Variants in MAP3K15 observed in about 807,000 individuals in gnomAD.
The protein encoded by MAP3K15 is MAPK/ERK kinase kinase 15.
MAP3K15 carries 124 observed loss-of-function variants against 99.5 expected under a neutral mutation model. That is an observed-to-expected ratio of 1.25 (90% confidence interval 1.08 to 1.45). MAP3K15 has a LOEUF of 1.45. Ranked by LOEUF, MAP3K15 falls within the 40% of genes most tolerant of loss-of-function variation. The pLI, the probability that MAP3K15 is intolerant of heterozygous loss-of-function variation, is 0.00. For missense variants in MAP3K15, 1,242 were observed against 1,079.7 expected (o/e 1.15, Z -2.11); for synonymous variants, 494 against 439.6 (o/e 1.12, Z -1.55).
intron 9 of MAP3K15, among the ~76,000 whole-genome samples, chrX:19,425,128 C>T (rs779804998): frequency 9.0e-6 from 1 of 111,547 alleles, no homozygotes; most frequent in East Asian, 2.8e-4. Flanking sequence ...GCTGTGCCAC[C>T]GTTTTATTTA....
intron 6 of MAP3K15, among the ~76,000 whole-genome samples, chrX:19,440,489 T>C (rs1300309276): frequency 8.9e-6 from 1 of 112,171 alleles, no homozygotes; most frequent in Non-Finnish European, 1.9e-5. Flanking sequence ...ATCCGAATAG[T>C]TGTTTTTCTA....
Position 19,425,553 on chromosome X carries a change from A to G in MAP3K15, c.1417T>C (p.Phe473Leu), listed in dbSNP as rs1160014340. The change falls in exon 9 of 29, where the codon TTC becomes CTC. Residue 473 changes from phenylalanine (F) to leucine (L), a missense_variant. By Grantham distance (22) the Phe-to-Leu change is conservative (BLOSUM62 0). Coordinates refer to ENST00000338883, the MANE Select transcript of MAP3K15 (RefSeq NM_001001671.4). The part of the protein sequence containing the change: ...GKAVQAAERL[F>L]KLKPPVWYLR... Reference sequence around the variant, plus strand: ...CACCAGACTGGAGGTTTCAGTTTGAACAACCTCTCTGCTGCCTGGACGGCT... The same window carrying G: ...CACCAGACTGGAGGTTTCAGTTTGAGCAACCTCTCTGCTGCCTGGACGGCT... 1.7e-6 allele frequency: 2 copies of G among 1,196,607 alleles called. No homozygotes were observed. Among genetic ancestry groups the G allele is most frequent in the African/African-American group, 1.7e-5 (1 of 57,229 alleles).
chrX:19,430,419 A>G (rs1229438378), intron 7 of MAP3K15, among the ~76,000 whole-genome samples: 2 of 111,833 alleles, frequency 1.8e-5, no homozygotes, highest in Non-Finnish European at 3.8e-5. Flanking sequence ...AGCTGACTTC[A>G]GTTTTAGAAG....
chrX:19,503,224 T>C (rs971800673), intron 1 of MAP3K15, among the ~76,000 whole-genome samples: 4 of 111,992 alleles, frequency 3.6e-5, no homozygotes, highest in Admixed American at 9.5e-5. Flanking sequence ...AATGTCTAAA[T>C]TAACTATCGC....
intron 11 of MAP3K15, among the ~76,000 whole-genome samples, chrX:19,412,549 G>A (rs1475448536): frequency 9.0e-6 from 1 of 110,822 alleles, no homozygotes; most frequent in Non-Finnish European, 1.9e-5. Flanking sequence ...GACAGCTCAG[G>A]GGCGAGTAAG....
chrX:19,484,283 C>T (rs2064309567), intron 3 of MAP3K15, among the ~76,000 whole-genome samples: 1 of 111,172 alleles, frequency 9.0e-6, no homozygotes, highest in African/African-American at 3.3e-5. Flanking sequence ...CTATTGTGAA[C>T]TGCACATGTG....
intron 16 of MAP3K15, 73 bp from the exon 17 acceptor site, chrX:19,392,546 G>T: frequency 9.2e-7 from 1 of 1,088,419 alleles, no homozygotes; most frequent in Non-Finnish European, 1.2e-6. Context: ...ATAAAGTGAG[G>T]TGAGGTTTCT....
At chrX:19,381,815 G>T (rs1427230943) in intron 18 of MAP3K15, among the ~76,000 whole-genome samples, 1 of 112,167 alleles carries the variant, frequency 8.9e-6, no homozygotes, top group Non-Finnish European at 1.9e-5. Flanking sequence ...AGTGACAGCA[G>T]CTCCTGGGGG....
chrX:19,413,006 T>C (rs1254628771), intron 11 of MAP3K15, among the ~76,000 whole-genome samples: 3 of 110,067 alleles, frequency 2.7e-5, no homozygotes, highest in Non-Finnish European at 3.8e-5. Flanking sequence ...TCCAAAAGTG[T>C]TGGGACTACA....
chrX:19,478,897 TG>T (rs2064270786), intron 3 of MAP3K15, among the ~76,000 whole-genome samples: 2 of 96,942 alleles, frequency 2.1e-5, no homozygotes, highest in African/African-American at 7.4e-5. Context: ...CTTCTGCAAG[TG>T]TTGGGTAGAA....
intron 1 of MAP3K15, among the ~76,000 whole-genome samples, chrX:19,500,011 C>G (rs898155813): frequency 8.9e-6 from 1 of 112,534 alleles, no homozygotes; most frequent in African/African-American, 3.2e-5. Flanking sequence ...CTTTGGGAGG[C>G]CAAGGCGGGT....
intron 3 of MAP3K15, 145 bp downstream of exon 3, chrX:19,486,337 A>T: frequency 3.8e-6 from 1 of 265,191 alleles, no homozygotes; most frequent in African/African-American, 2.8e-5. Context: ...GCATAGGGAG[A>T]TTTCTAGCTG....
intron 6 of MAP3K15, among the ~76,000 whole-genome samples, chrX:19,432,844 G>A (rs1436508060): frequency 5.5e-5 from 6 of 108,574 alleles, no homozygotes; most frequent in South Asian, 4.1e-4. Context: ...GCCTTCCAAC[G>A]TAGCTGGGAT....
chrX:19,380,300 G>A, intron 18 of MAP3K15, 23 bp from the exon 19 acceptor site: 1 of 1,204,485 alleles, frequency 8.3e-7, no homozygotes, highest in Admixed American at 2.2e-5. Flanking sequence ...CAAACAAACA[G>A]GCTGTGGGTA....
chrX:19,431,363 G>A, intron 7 of MAP3K15, 75 bp downstream of exon 7: 1 of 964,085 alleles, frequency 1.0e-6, no homozygotes, highest in Non-Finnish European at 1.4e-6. Flanking sequence ...ATAAGGAAGA[G>A]ATGCACATCC....
At chrX:19,503,598 G>C (rs993083561) in intron 1 of MAP3K15, among the ~76,000 whole-genome samples, 4 of 110,333 alleles carry the variant, frequency 3.6e-5, no homozygotes, top group African/African-American at 1.3e-4. Flanking sequence ...GCTAATTTTT[G>C]TATTTTTTGG....
At chrX:19,388,161 C>CT (rs200620814) in intron 18 of MAP3K15, among the ~76,000 whole-genome samples, 2,407 of 110,758 alleles carry the variant, frequency 0.022, 75 homozygotes, top group African/African-American at 0.074. Flanking sequence ...CAGCCTGAAT[C>CT]TTTTTTTTTG....
At chrX:19,507,749 G>C (rs1282811931) in intron 1 of MAP3K15, among the ~76,000 whole-genome samples, 1 of 110,300 alleles carries the variant, frequency 9.1e-6, no homozygotes, top group Non-Finnish European at 1.9e-5. Context: ...GAGTTTGTGG[G>C]AGAGGGCAGA....
At chrX:19,459,631 C>T (rs7049913) in intron 5 of MAP3K15, among the ~76,000 whole-genome samples, 2,809 of 112,125 alleles carry the variant, frequency 0.025, 95 homozygotes, top group African/African-American at 0.085. Flanking sequence ...GGGTGGATCA[C>T]CTGAGGTCAG....
Sources: allele counts gnomAD v4.1 joint callset (sites outside exome capture counted in the v4.1 genomes callset), GRCh38; gene constraint gnomAD v4.1.1; transcripts MANE v1.5; gene names NCBI Gene and HGNC (gene_info 2026-07-23, HGNC 2026-07-21).